Variants in SPATS2L observed in about 807,000 individuals in gnomAD.
SPATS2L encodes the protein SPATS2-like protein.
A neutral mutation model predicts 59.6 loss-of-function variants in SPATS2L; 30 were observed. The observed-to-expected ratio is 0.50, with a 90% CI of 0.38 to 0.68. The LOEUF (loss-of-function observed/expected upper bound fraction) is 0.68, where lower values mean the gene tolerates loss of function less well. Ranked by LOEUF, SPATS2L falls within the 30% of genes least tolerant of loss-of-function variation. The pLI is 0.00. For synonymous variants in SPATS2L, 252 were observed against 263.5 expected, an observed-to-expected ratio of 0.96 and a Z score of 0.42; for missense variants, 615 against 700.0, an observed-to-expected ratio of 0.88 and a Z score of 1.37.
At chr2:200,460,562 G>A (rs899909099) in intron 9 of SPATS2L, among the ~76,000 whole-genome samples, 3 of 151,790 alleles carry the variant, frequency 2.0e-5, no homozygotes, top group Admixed American at 1.3e-4. Context: ...TGGCTAACAC[G>A]GTGAAACCCC....
intron 3 of SPATS2L, among the ~76,000 whole-genome samples, chr2:200,395,471 T>C (rs1031399313): frequency 5.3e-5 from 8 of 151,826 alleles, no homozygotes; most frequent in Non-Finnish European, 8.8e-5. Flanking sequence ...GTGGAAAGAG[T>C]GTGGAGTTTG....
At chr2:200,372,688 C>T (rs2081468429) in intron 2 of SPATS2L, among the ~76,000 whole-genome samples, 1 of 152,130 alleles carries the variant, frequency 6.6e-6, no homozygotes, top group Admixed American at 6.5e-5. Context: ...AAAACAATGG[C>T]ACCAGACTAG....
intron 2 of SPATS2L, among the ~76,000 whole-genome samples, chr2:200,353,931 T>G (rs1559061635): frequency 6.6e-6 from 1 of 152,216 alleles, no homozygotes; most frequent in Non-Finnish European, 1.5e-5. Flanking sequence ...ATCCATATTT[T>G]GCATGGTGGT....
chr2:200,361,079 A>ACCC (rs3036489), intron 2 of SPATS2L, among the ~76,000 whole-genome samples: 30 of 73,924 alleles, frequency 4.1e-4, no homozygotes, highest in African/African-American at 1.2e-3. Context: ...TCCCCACCCC[A>ACCC]CCCCCCCACA....
At chr2:200,342,060 G>A (rs1186268242) in intron 2 of SPATS2L, among the ~76,000 whole-genome samples, 1 of 152,068 alleles carries the variant, frequency 6.6e-6, no homozygotes, top group African/African-American at 2.4e-5. Context: ...CTTTAATGTA[G>A]CACTTGACAC....
intron 9 of SPATS2L, 109 bp from the exon 10 acceptor site, chr2:200,467,181 G>A: frequency 1.3e-6 from 1 of 762,740 alleles, no homozygotes; most frequent in South Asian, 1.7e-5. Flanking sequence ...ACACAGTCGT[G>A]GTCCAACAAA....
At position 200,450,698 on chromosome 2, in the gene SPATS2L, A is replaced by G. The variant is rs572773211; in HGVS notation, c.789-9071A>G. ...AATCTTCCACTCAGTGAGTCTAGTG[A>G]GTACAAATGTAGGTGGTCTGCAGAC... On this transcript the variant is annotated intron_variant, in intron 8 of 12. Coordinates refer to ENST00000409140, the MANE Select transcript of SPATS2L (RefSeq NM_001100423.2). Among the ~76,000 whole-genome samples, 3 of 152,272 alleles carry G rather than the reference A, an allele frequency of 2.0e-5. No individual in the cohort carries two copies. The East Asian group carries it at 5.8e-4, about 29-fold the overall frequency.
At chr2:200,404,985 TG>T (rs2082647323) in intron 3 of SPATS2L, among the ~76,000 whole-genome samples, 1 of 152,130 alleles carries the variant, frequency 6.6e-6, no homozygotes, top group African/African-American at 2.4e-5. Flanking sequence ...TAATCCGGGA[TG>T]ATCTCCCCAT....
In SPATS2L at chr2:200,480,086, T is replaced by TA. The variant is rs1415839778; in HGVS notation, c.*2058dup. 2 of 209,588 alleles carry TA rather than the reference T, an allele frequency of 9.5e-6. No individual in the cohort carries two copies. The highest frequency in any genetic ancestry group is 4.5e-5 in the African/African-American group (2 of 44,186). 13.0% of individuals were successfully genotyped at this position (209,588 alleles called of 1,614,324 possible). Reference sequence around the variant, plus strand: ...TGCTCACCACTGAAAAATGTCAGTGTAAATGTGACCGCTTTAAAGATGAGT... The same window carrying TA: ...TGCTCACCACTGAAAAATGTCAGTGTAAAATGTGACCGCTTTAAAGATGAGT... On this transcript the variant is annotated 3_prime_UTR_variant, in exon 13 of 13. Transcript: ENST00000409140.
At chr2:200,354,374 C>T (rs895255429) in intron 2 of SPATS2L, among the ~76,000 whole-genome samples, 1 of 152,016 alleles carries the variant, frequency 6.6e-6, no homozygotes, top group African/African-American at 2.4e-5. Flanking sequence ...TTTGGAAGAC[C>T]GAGGTGGGAG....
intron 2 of SPATS2L, among the ~76,000 whole-genome samples, chr2:200,344,370 T>C (rs913143812): frequency 2.0e-5 from 3 of 152,224 alleles, no homozygotes; most frequent in Non-Finnish European, 4.4e-5. Context: ...GGCCTCCAGC[T>C]CCATCCACAT....
chr2:200,467,256 T>A, intron 9 of SPATS2L, 34 bp from the exon 10 acceptor site: 1 of 1,365,428 alleles, frequency 7.3e-7, no homozygotes, highest in East Asian at 2.3e-5. Flanking sequence ...TTTCAATCTC[T>A]GGCCCTAATG....
Position 200,478,285 on chromosome 2 carries a change from T to C in SPATS2L, c.*254T>C. 1 of 324,842 alleles carries C rather than the reference T, an allele frequency of 3.1e-6. No individual in the cohort carries two copies. Among genetic ancestry groups the C allele is most frequent in the Non-Finnish European group, 5.5e-6 (1 of 181,818 alleles). The allele number at this position is 324,842 out of a possible 1,614,324, so 20.1% of individuals were successfully genotyped here. On this transcript the variant is annotated 3_prime_UTR_variant, in exon 13 of 13. Transcript: ENST00000409140. ...TTAGCCAGGCAGTATTTACTCATTATTAGGAAAATCAAGATGTGGCTGAAG... is the reference window on the plus strand; with the variant it reads ...TTAGCCAGGCAGTATTTACTCATTACTAGGAAAATCAAGATGTGGCTGAAG...
chr2:200,449,574 T>C (rs2085299921), intron 8 of SPATS2L, among the ~76,000 whole-genome samples: 1 of 152,216 alleles, frequency 6.6e-6, no homozygotes, highest in Non-Finnish European at 1.5e-5. Context: ...GGAATGTACT[T>C]CTGAAAAGGA....
At chr2:200,316,646 C>T (rs1006404482) in intron 1 of SPATS2L, among the ~76,000 whole-genome samples, 7 of 152,276 alleles carry the variant, frequency 4.6e-5, no homozygotes, top group South Asian at 2.1e-4. Flanking sequence ...GTACTGGGTT[C>T]CACCTTGTCT....
intron 2 of SPATS2L, among the ~76,000 whole-genome samples, chr2:200,361,801 T>C (rs1437843463): frequency 6.6e-6 from 1 of 152,250 alleles, no homozygotes; most frequent in African/African-American, 2.4e-5. Flanking sequence ...TGTGCTTCTA[T>C]GTATTTATCC....
At chr2:200,361,832 A>G (rs1239969630) in intron 2 of SPATS2L, among the ~76,000 whole-genome samples, 2 of 152,244 alleles carry the variant, frequency 1.3e-5, no homozygotes, top group African/African-American at 4.8e-5. Context: ...GCTTAAAAGA[A>G]AAACTATAAT....
chr2:200,458,778 T>G (rs2086034774), intron 8 of SPATS2L, among the ~76,000 whole-genome samples: 1 of 152,178 alleles, frequency 6.6e-6, no homozygotes, highest in Admixed American at 6.5e-5. Flanking sequence ...ATTTGAATAC[T>G]AAGTAGATAT....
intron 2 of SPATS2L, among the ~76,000 whole-genome samples, chr2:200,333,425 C>T (rs2080023891): frequency 6.6e-6 from 1 of 151,134 alleles, no homozygotes; most frequent in Admixed American, 6.6e-5. Flanking sequence ...GTGTTTGTTA[C>T]ATGTGTAGAA....
Sources: gnomAD v4.1 joint callset for allele counts (sites outside exome capture counted in the v4.1 genomes callset) on GRCh38, gnomAD v4.1.1 for gene constraint, MANE v1.5 for transcripts, NCBI Gene and HGNC (gene_info 2026-07-23, HGNC 2026-07-21) for gene names.